Variants in SGSM1 observed in about 807,000 individuals in gnomAD.
SGSM1 encodes the protein small G protein signaling modulator 1.
SGSM1 carries 73 observed loss-of-function variants against 133.8 expected under a neutral mutation model. The observed-to-expected ratio is 0.55, with a 90% CI of 0.45 to 0.66. The LOEUF is 0.66. SGSM1 is among the 30% of genes least tolerant of loss of function. SGSM1 has a pLI of 0.00. For missense variants in SGSM1, 1,213 were observed against 1,448.1 expected (o/e 0.84, Z 2.64); for synonymous variants, 563 against 573.0 (o/e 0.98, Z 0.25).
In SGSM1 at chr22:24,806,435, C is replaced by T. The variant is rs1234638145; in HGVS notation, c.20-6C>T. ...TGACCCGCGGCTCTCGTTTCTTGTC[C>T]CACAGAGGCGGAGACCCGACAGAGG... On this transcript the variant is annotated splice_region_variant and splice_polypyrimidine_tract_variant and intron_variant, in intron 1 of 24. Coordinates refer to ENST00000400358, the MANE Select transcript of SGSM1 (RefSeq NM_001098497.3). The T allele has an allele frequency of 3.3e-6, 5 of 1,523,610 alleles. No individual in the cohort carries two copies. In the African/African-American group the frequency reaches 4.3e-5, roughly 13 times the overall value. The allele number at this position is 1,523,610 out of a possible 1,614,324, so 94.4% of individuals were successfully genotyped here.
At chr22:24,917,150 C>G (rs889101032) in intron 22 of SGSM1, among the ~76,000 whole-genome samples, 1 of 151,102 alleles carries the variant, frequency 6.6e-6, no homozygotes, top group Non-Finnish European at 1.5e-5. Flanking sequence ...GCCTTGGCCT[C>G]GCAAAGTGCT....
chr22:24,899,072 T>A (rs1476810742), intron 19 of SGSM1, among the ~76,000 whole-genome samples: 1 of 150,866 alleles, frequency 6.6e-6, no homozygotes, highest in Non-Finnish European at 1.5e-5. Context: ...TAATATTTTA[T>A]GCAACTACTG....
At chr22:24,901,007 A>G (rs1933140907) in intron 19 of SGSM1, 2 of 152,344 alleles carry the variant, frequency 1.3e-5, no homozygotes, top group Middle Eastern at 3.4e-3. Flanking sequence ...CTTTCAGACC[A>G]CCCAGGTAAT....
At chr22:24,845,480 G>T (rs1335781607) in intron 3 of SGSM1, among the ~76,000 whole-genome samples, 1 of 152,188 alleles carries the variant, frequency 6.6e-6, no homozygotes. Context: ...CCATGGCCAG[G>T]CTTTTGCTGT....
intron 21 of SGSM1, among the ~76,000 whole-genome samples, chr22:24,912,203 C>A (rs1175512567): frequency 6.6e-6 from 1 of 152,040 alleles, no homozygotes; most frequent in Non-Finnish European, 1.5e-5. Flanking sequence ...AGAAAAATGA[C>A]ATTCAGTACA....
At chr22:24,867,757 A>G (rs189789682) in intron 10 of SGSM1, among the ~76,000 whole-genome samples, 1 of 152,292 alleles carries the variant, frequency 6.6e-6, no homozygotes, top group Non-Finnish European at 1.5e-5. Context: ...CTCACCAAGG[A>G]ACAAAACACG....
At chr22:24,839,348 G>A (rs1929657530) in intron 2 of SGSM1, among the ~76,000 whole-genome samples, 1 of 152,200 alleles carries the variant, frequency 6.6e-6, no homozygotes. Flanking sequence ...ATAGGCATGA[G>A]CAACTGGACA....
In SGSM1 at chr22:24,876,676, C is replaced by A. The variant is rs748112548; in HGVS notation, c.1391C>A (p.Ser464Ter). ...TGTTCATCCTGTTCACAGAGTGGCTCGGCTGATGGTAGCTCGACCAATGGC... is the reference window on the plus strand; with the variant it reads ...TGTTCATCCTGTTCACAGAGTGGCTAGGCTGATGGTAGCTCGACCAATGGC... ...SSCSSCSQSG[S>*]ADGSSTNGCN... Residue 464 changes from serine to a stop codon, truncating the protein, a stop_gained, in exon 13 of 25, where the codon TCG becomes TAG. Coordinates refer to ENST00000400358, the MANE Select transcript of SGSM1 (RefSeq NM_001098497.3). LOFTEE classifies it high-confidence loss of function. 1 of 1,613,932 alleles carries A rather than the reference C, an allele frequency of 6.2e-7. No homozygotes were observed. The highest frequency in any genetic ancestry group is 1.1e-5 in the South Asian group (1 of 91,076).
chr22:24,822,394 ATC>A (rs1928537514), intron 2 of SGSM1, among the ~76,000 whole-genome samples: 1 of 151,998 alleles, frequency 6.6e-6, no homozygotes. Context: ...GCCTGGTCTC[ATC>A]TCTCTTTTCT....
At chr22:24,882,822 T>C (rs1932405948) in intron 14 of SGSM1, among the ~76,000 whole-genome samples, 1 of 152,234 alleles carries the variant, frequency 6.6e-6, no homozygotes, top group South Asian at 2.1e-4. Context: ...TCCATGCTGC[T>C]GCGCATGACA....
rs1391237574 is a variant in SGSM1 at position 24,862,313 on chromosome 22, G to A, written c.926+2473G>A. 3.9e-5 allele frequency among the ~76,000 whole-genome samples: 6 copies of A among 152,172 alleles called. No homozygotes were observed. In the South Asian group the frequency reaches 1.2e-3, roughly 32 times the overall value. ...GAAGAATAGGGGAGGGGTCCCAGGG[G>A]TGCTCTGGGTCTCTTTATCTTAAAC... On this transcript the variant is annotated intron_variant, in intron 9 of 24. Transcript: ENST00000400358.
intron 2 of SGSM1, among the ~76,000 whole-genome samples, chr22:24,813,004 G>A (rs1378053530): frequency 2.6e-5 from 4 of 152,194 alleles, no homozygotes; most frequent in Non-Finnish European, 5.9e-5. Flanking sequence ...GGAAAATAAC[G>A]GCTGGAAGAG....
rs569402632 is a variant in SGSM1 at position 24,917,621 on chromosome 22, T to C, written c.2929-37T>C. ...AGCTGTCTCCTCTGCTCCAACCTTTTCCCAGGAGGCTGATGCTGCCTTTCC... is the reference window on the plus strand; with the variant it reads ...AGCTGTCTCCTCTGCTCCAACCTTTCCCCAGGAGGCTGATGCTGCCTTTCC... On this transcript the variant is annotated intron_variant, in intron 22 of 24. Coordinates refer to ENST00000400358, the MANE Select transcript of SGSM1 (RefSeq NM_001098497.3). 5.2e-6 allele frequency: 8 copies of C among 1,549,808 alleles called. No individual in the cohort carries two copies. In the African/African-American group the frequency reaches 6.8e-5, roughly 13 times the overall value.
intron 18 of SGSM1, among the ~76,000 whole-genome samples, chr22:24,897,225 C>G (rs1188029010): frequency 6.6e-6 from 1 of 151,748 alleles, no homozygotes; most frequent in African/African-American, 2.4e-5. Context: ...AATAAAAATG[C>G]AAAAATCAGC....
intron 20 of SGSM1, among the ~76,000 whole-genome samples, chr22:24,904,638 A>T (rs1222432602): frequency 6.6e-6 from 1 of 152,182 alleles, no homozygotes; most frequent in Non-Finnish European, 1.5e-5. Context: ...CTCGATAAAT[A>T]TAAGCTGTTA....
At chr22:24,884,373 C>T (rs1383088934) in intron 15 of SGSM1, among the ~76,000 whole-genome samples, 175 bp downstream of exon 15, 1 of 152,228 alleles carries the variant, frequency 6.6e-6, no homozygotes, top group East Asian at 1.9e-4. Context: ...CAGCTCACTT[C>T]TGCCCATCAG....
At position 24,877,802 on chromosome 22, in the gene SGSM1, CTT is replaced by C. The variant is rs36036968; in HGVS notation, c.1430+1112_1430+1113del. 8.2e-3 allele frequency among the ~76,000 whole-genome samples: 616 copies of C among 75,416 alleles called. 4 individuals are homozygous for C. The highest frequency in any genetic ancestry group is 0.029 in the African/African-American group (550 of 18,718). 49.5% of individuals were successfully genotyped at this position (75,416 alleles called of 152,430 possible). ...TAATATTACTGGAGATTCTTTCTTT[CTT>C]TTTTTTTTTTTTTTTTTTTTTTTTG... On this transcript the variant is annotated intron_variant, in intron 13 of 24. Transcript: ENST00000400358.
intron 14 of SGSM1, among the ~76,000 whole-genome samples, chr22:24,882,213 G>A (rs1013806315): frequency 1.3e-5 from 2 of 151,936 alleles, no homozygotes; most frequent in African/African-American, 2.4e-5. Context: ...ACTACAGGCC[G>A]GTGCCAGTAT....
Position 24,845,943 on chromosome 22 carries a change from T to TTCTTTCTTTCTTTCTC in SGSM1, c.139+986_139+987insCTCTTTCTTTCTTTCT, listed in dbSNP as rs1555924231. ...GGCAAGATCTTTCTTTTCTTTTCTT[T>TTCTTTCTTTCTTTCTC]TCTTTCTTTCTTTCTTTCTTTCTTT... is the stretch of plus-strand genomic sequence containing the variant. On this transcript the variant is annotated intron_variant, in intron 3 of 24. Coordinates refer to ENST00000400358, the MANE Select transcript of SGSM1 (RefSeq NM_001098497.3). Among the ~76,000 whole-genome samples, 91 of 29,966 alleles carry TTCTTTCTTTCTTTCTC rather than the reference T, an allele frequency of 3.0e-3. 1 individual carries two copies. The highest frequency in any genetic ancestry group is 9.9e-3 in the African/African-American group (87 of 8,806). 19.7% of individuals were successfully genotyped at this position (29,966 alleles called of 152,430 possible). A position where few individuals can be genotyped will look rare whatever the true frequency, so the allele number is the denominator to read the frequency against.
Sources: allele counts gnomAD v4.1 joint callset (sites outside exome capture counted in the v4.1 genomes callset), GRCh38; gene constraint gnomAD v4.1.1; transcripts MANE v1.5; gene names NCBI Gene and HGNC (gene_info 2026-07-23, HGNC 2026-07-21).